NCKAP5: variants seen among roughly 807,000 people sequenced by gnomAD.
NCKAP5 encodes the protein nck-associated protein 5.
Under a neutral mutation model 167.0 loss-of-function variants are expected in NCKAP5, and 92 were observed. The ratio of observed to expected loss-of-function variants is 0.55; its 90% CI spans 0.47 to 0.66. The LOEUF (loss-of-function observed/expected upper bound fraction) is 0.66, where lower values mean the gene tolerates loss of function less well. NCKAP5 is among the 30% of genes least tolerant of loss of function. The probability of loss-of-function intolerance (pLI) is 0.00; values close to 1 mark genes in which losing one functional copy is unlikely to be tolerated. For synonymous variants in NCKAP5, 891 were observed against 877.4 expected (o/e 1.02, Z -0.27); for missense variants, 2,378 against 2,315.0 (o/e 1.03, Z -0.56).
upstream of NCKAP5, among the ~76,000 whole-genome samples, chr2:133,571,285 A>G (rs949707146): frequency 6.6e-6 from 1 of 151,986 alleles, no homozygotes; most frequent in Non-Finnish European, 1.5e-5. Flanking sequence ...GGTGTGATCC[A>G]GGTCATACCT....
intron 11 of NCKAP5, among the ~76,000 whole-genome samples, chr2:132,857,831 T>A (rs1689592516): frequency 6.6e-6 from 1 of 152,184 alleles, no homozygotes; most frequent in Non-Finnish European, 1.5e-5. Flanking sequence ...CCTGGCTCCC[T>A]TTGTAAGTTT....
intron 4 of NCKAP5, among the ~76,000 whole-genome samples, chr2:133,241,862 G>C (rs1027539349): frequency 6.6e-6 from 1 of 152,152 alleles, no homozygotes; most frequent in Non-Finnish European, 1.5e-5. Flanking sequence ...GCTCACACCT[G>C]TAATCCCAGC....
chr2:133,500,412 C>T (rs1682398251), intron 3 of NCKAP5, among the ~76,000 whole-genome samples: 1 of 152,186 alleles, frequency 6.6e-6, no homozygotes, highest in South Asian at 2.1e-4. Flanking sequence ...GCTCCAATAA[C>T]ACGTGTCTTT....
the NCKAP5 span, among the ~76,000 whole-genome samples, chr2:133,586,034 T>C: frequency 1.3e-5 from 2 of 152,226 alleles, no homozygotes; most frequent in Non-Finnish European, 2.9e-5. Context: ...GGATTAAGTA[T>C]GAACAGATAT....
At chr2:133,065,365 G>C (rs1342698608) in intron 6 of NCKAP5, among the ~76,000 whole-genome samples, 1 of 152,184 alleles carries the variant, frequency 6.6e-6, no homozygotes, top group Non-Finnish European at 1.5e-5. Flanking sequence ...GGTGGCTTAT[G>C]CCTATAATCA....
intron 8 of NCKAP5, among the ~76,000 whole-genome samples, chr2:132,920,771 G>GTATGTATGTATGTGTGTATATA (rs1553479343): frequency 7.6e-4 from 24 of 31,578 alleles, no homozygotes; most frequent in African/African-American, 2.6e-3. Context: ...ATATATGTAT[G>GTATGTATGTATGTGTGTATATA]TATATATATA....
intron 6 of NCKAP5, among the ~76,000 whole-genome samples, chr2:133,028,488 A>G (rs969823071): frequency 2.0e-5 from 3 of 152,168 alleles, no homozygotes; most frequent in Non-Finnish European, 4.4e-5. Context: ...AGAGTAATTT[A>G]TATCCATACA....
chr2:133,020,440 A>G (rs1364148822), intron 6 of NCKAP5, among the ~76,000 whole-genome samples: 1 of 152,222 alleles, frequency 6.6e-6, no homozygotes, highest in Non-Finnish European at 1.5e-5. Flanking sequence ...AAAGACATGC[A>G]TAAAAGATAT....
At chr2:132,876,947 C>A (rs1191919553) in intron 9 of NCKAP5, among the ~76,000 whole-genome samples, 1 of 152,188 alleles carries the variant, frequency 6.6e-6, no homozygotes, top group Non-Finnish European at 1.5e-5. Flanking sequence ...TACGGGAGAA[C>A]TGGGACAGTT....
chr2:132,714,938 T>G (rs1047073299), intron 19 of NCKAP5: 1 of 452,130 alleles, frequency 2.2e-6, no homozygotes, highest in Non-Finnish European at 4.4e-6. Flanking sequence ...TTCTAGGTTC[T>G]TGGAGGTTCA....
chr2:133,313,117 A>G lies in NCKAP5; in HGVS notation c.70-10007T>C, dbSNP rs559127905. Among the ~76,000 whole-genome samples, 16 of 152,300 alleles carry G rather than the reference A, an allele frequency of 1.1e-4. No homozygotes were observed. The South Asian group carries it at 3.3e-3, about 32-fold the overall frequency. On this transcript the variant is annotated intron_variant, in intron 3 of 19. Coordinates refer to ENST00000409261, the MANE Select transcript of NCKAP5 (RefSeq NM_207363.3). ...GCCCTTCCCACAGCTAACTGCCCTC[A>G]GAGTGGATTTTATGTTGGTTAGATG...
chr2:133,464,689 T>C (rs1388193834), intron 3 of NCKAP5, among the ~76,000 whole-genome samples: 1 of 152,160 alleles, frequency 6.6e-6, no homozygotes, highest in Non-Finnish European at 1.5e-5. Flanking sequence ...GACTCCATCT[T>C]AAATAAATAA....
intron 6 of NCKAP5, among the ~76,000 whole-genome samples, chr2:133,109,755 T>G (rs2081845935): frequency 7.1e-6 from 1 of 141,686 alleles, no homozygotes; most frequent in Non-Finnish European, 1.5e-5. Context: ...TGGGATCAAG[T>G]TTTTCTGAAA....
intron 8 of NCKAP5, among the ~76,000 whole-genome samples, chr2:132,900,020 A>T (rs11883458): frequency 6.6e-6 from 1 of 152,036 alleles, no homozygotes; most frequent in Non-Finnish European, 1.5e-5. Context: ...CAGGAAATAC[A>T]TGGCCCAAGG....
In NCKAP5 at chr2:133,428,590, A is replaced by G. The variant is rs568899397; in HGVS notation, c.69+88868T>C. 3.2e-4 allele frequency among the ~76,000 whole-genome samples: 48 copies of G among 152,176 alleles called. 1 individual carries two copies. Among genetic ancestry groups the G allele is most frequent in the Admixed American group, 1.6e-3 (24 of 15,264 alleles). On this transcript the variant is annotated intron_variant, in intron 3 of 19. Coordinates refer to ENST00000409261, the MANE Select transcript of NCKAP5 (RefSeq NM_207363.3). Reference sequence around the variant, plus strand: ...TCGGAGTAAAAGAGATAAGATATTCAACTCAGAAGCCATAAAGGGAAAAAT... The same window carrying G: ...TCGGAGTAAAAGAGATAAGATATTCGACTCAGAAGCCATAAAGGGAAAAAT...
intron 6 of NCKAP5, among the ~76,000 whole-genome samples, chr2:133,037,755 C>T (rs922886452): frequency 1.3e-5 from 2 of 151,900 alleles, no homozygotes; most frequent in Non-Finnish European, 2.9e-5. Context: ...TGAGCAATAC[C>T]CCATAAGCAC....
chr2:132,985,293 G>A (rs1318609213), intron 7 of NCKAP5, among the ~76,000 whole-genome samples: 2 of 151,906 alleles, frequency 1.3e-5, no homozygotes, highest in South Asian at 2.1e-4. Context: ...ATTAAACCAG[G>A]GATTTTAAAT....
At chr2:133,072,649 G>C (rs536907469) in intron 6 of NCKAP5, among the ~76,000 whole-genome samples, 1 of 152,246 alleles carries the variant, frequency 6.6e-6, no homozygotes, top group African/African-American at 2.4e-5. Context: ...CATTCAGTAA[G>C]CAACTGTGTG....
At chr2:133,162,740 A>G (rs1339748738) in intron 5 of NCKAP5, among the ~76,000 whole-genome samples, 2 of 152,168 alleles carry the variant, frequency 1.3e-5, no homozygotes, top group Non-Finnish European at 2.9e-5. Context: ...TCTCCACAAT[A>G]CATAGTCTTA....
Sources: allele counts gnomAD v4.1 joint callset (sites outside exome capture counted in the v4.1 genomes callset), GRCh38; gene constraint gnomAD v4.1.1; transcripts MANE v1.5; gene names NCBI Gene and HGNC (gene_info 2026-07-23, HGNC 2026-07-21).